Variants in KIAA1217 observed in about 807,000 individuals in gnomAD.
KIAA1217 encodes sickle tail protein homolog.
In KIAA1217, 88 loss-of-function variants were observed where a neutral mutation model predicts 163.9. The ratio of observed to expected loss-of-function variants is 0.54; its 90% confidence interval spans 0.45 to 0.64. The LOEUF (loss-of-function observed/expected upper bound fraction) is 0.64. Ranked by LOEUF, KIAA1217 falls within the 30% of genes least tolerant of loss-of-function variation. The pLI is 0.00. For missense variants in KIAA1217, 2,372 were observed against 2,475.0 expected, an observed-to-expected ratio of 0.96 and a Z score of 0.88; for synonymous variants, 903 against 923.1, an observed-to-expected ratio of 0.98 and a Z score of 0.39.
intron 2 of KIAA1217, among the ~76,000 whole-genome samples, chr10:24,074,464 C>A (rs1222285287): frequency 6.6e-6 from 1 of 152,184 alleles, no homozygotes; most frequent in Non-Finnish European, 1.5e-5. Context: ...CTATTACCCC[C>A]TTCCTCTCTG....
chr10:24,521,939 C>A lies in KIAA1217; in HGVS notation c.2456+10C>A, dbSNP rs199796658. On this transcript the variant is annotated intron_variant, in intron 12 of 20. Transcript: ENST00000376454. The stretch of plus-strand genomic sequence containing the variant: ...TGACCATGCTGCGGAGGTGACCGGG[C>A]CCTCATCGTGCTGGGGGTGGCCTGC... The A allele has an allele frequency of 2.3e-5, 37 of 1,599,846 alleles. No homozygotes were observed. The highest frequency in any genetic ancestry group is 1.3e-4 in the African/African-American group (10 of 74,820).
At chr10:24,029,413 G>T (rs1458103736) in intron 2 of KIAA1217, among the ~76,000 whole-genome samples, 7 of 152,044 alleles carry the variant, frequency 4.6e-5, no homozygotes, top group African/African-American at 1.7e-4. Context: ...TCTACTCTAA[G>T]GAGTATTCAG....
At chr10:24,458,299 C>G (rs967100729) in intron 5 of KIAA1217, among the ~76,000 whole-genome samples, 2 of 152,300 alleles carry the variant, frequency 1.3e-5, no homozygotes, top group East Asian at 3.9e-4. Flanking sequence ...GAAGGTATTC[C>G]TTTGAAATGG....
chr10:24,195,988 A>T (rs1028473231), intron 2 of KIAA1217, among the ~76,000 whole-genome samples: 1 of 151,922 alleles, frequency 6.6e-6, no homozygotes, highest in Non-Finnish European at 1.5e-5. Context: ...TTACATAATT[A>T]TCCAGGTGTG....
intron 6 of KIAA1217, among the ~76,000 whole-genome samples, chr10:24,483,942 T>A (rs1470730312): frequency 6.6e-6 from 1 of 151,870 alleles, no homozygotes; most frequent in East Asian, 1.9e-4. Context: ...TCACCCTAGA[T>A]GTGAGTCACT....
At chr10:24,422,901 C>CTTTTTTTTTTTTTTTTTT (rs58161228) in intron 3 of KIAA1217, among the ~76,000 whole-genome samples, 1,693 of 120,464 alleles carry the variant, frequency 0.014, 67 homozygotes, top group Non-Finnish European at 0.021. Context: ...ATAGATTTAA[C>CTTTTTTTTTTTTTTTTTT]TTTTTTTTTT....
intron 1 of KIAA1217, among the ~76,000 whole-genome samples, chr10:23,903,449 A>G (rs10828571): frequency 0.22 from 33,957 of 152,078 alleles, 4,015 homozygotes; most frequent in Middle Eastern, 0.31. Context: ...TCAGAAATGA[A>G]GACCCAAAGA....
chr10:23,955,926 A>G (rs995902103), intron 1 of KIAA1217, among the ~76,000 whole-genome samples: 1 of 152,300 alleles, frequency 6.6e-6, no homozygotes, highest in East Asian at 1.9e-4. Context: ...GAGGCCTGCA[A>G]TCTTTAGATT....
chr10:24,545,611 C>T, intron 20 of KIAA1217: 11 of 1,384,240 alleles, frequency 7.9e-6, no homozygotes, highest in Non-Finnish European at 1.0e-5. Flanking sequence ...CAAATGTATT[C>T]TTCCTTTCCT....
At chr10:23,905,446 T>C (rs16924035) in intron 1 of KIAA1217, among the ~76,000 whole-genome samples, 17,436 of 151,976 alleles carry the variant, frequency 0.11, 3,303 homozygotes, top group African/African-American at 0.39. Context: ...GTATGGTTTA[T>C]GCTTTACAGA....
At chr10:23,857,195 GGATGT>G (rs1839730757) in intron 1 of KIAA1217, among the ~76,000 whole-genome samples, 1 of 152,166 alleles carries the variant, frequency 6.6e-6, no homozygotes, top group African/African-American at 2.4e-5. Flanking sequence ...ATTTGGGTAG[GGATGT>G]GAATCCAAAC....
At chr10:24,064,319 A>G (rs1238411796) in intron 2 of KIAA1217, among the ~76,000 whole-genome samples, 3 of 152,152 alleles carry the variant, frequency 2.0e-5, no homozygotes, top group Non-Finnish European at 2.9e-5. Flanking sequence ...ACATCCCATC[A>G]ATACCTAATT....
rs1181870751 is a variant in KIAA1217 at position 23,790,582 on chromosome 10, T to TATGTACATATATAC, written c.-321+95365_-321+95378dup. On this transcript the variant is annotated intron_variant, in intron 1 of 18. Coordinates refer to the KIAA1217 transcript ENST00000376462. ...GTACATATGTATATATACATATGTA[T>TATGTACATATATAC]ATGTACATATATACATGTACATATA... 6.9e-4 allele frequency among the ~76,000 whole-genome samples: 86 copies of TATGTACATATATAC among 124,852 alleles called. 18 individuals carry two copies. Among genetic ancestry groups the TATGTACATATATAC allele is most frequent in the East Asian group, 3.0e-3 (14 of 4,706 alleles). The allele number at this position is 124,852 out of a possible 152,430, so 81.9% of individuals were successfully genotyped here.
At chr10:24,484,212 T>G (rs191437353) in intron 6 of KIAA1217, among the ~76,000 whole-genome samples, 20,432 of 130,662 alleles carry the variant, frequency 0.16, 1,830 homozygotes, top group South Asian at 0.3. Flanking sequence ...TATATATAGA[T>G]AGATAGATAT....
chr10:24,430,637 G>A (rs1564664486), intron 3 of KIAA1217, among the ~76,000 whole-genome samples: 1 of 152,178 alleles, frequency 6.6e-6, no homozygotes, highest in African/African-American at 2.4e-5. Flanking sequence ...ATCTGGAGGT[G>A]ATGAGTGACA....
At chr10:24,095,982 C>A (rs2062144480) in intron 2 of KIAA1217, among the ~76,000 whole-genome samples, 1 of 152,256 alleles carries the variant, frequency 6.6e-6, no homozygotes, top group South Asian at 2.1e-4. Context: ...GTGGTATGCA[C>A]CTGTAGTCCC....
chr10:23,851,057 C>A (rs902814114), intron 1 of KIAA1217, among the ~76,000 whole-genome samples: 2 of 151,992 alleles, frequency 1.3e-5, no homozygotes, highest in Non-Finnish European at 2.9e-5. Context: ...TACATGGGCA[C>A]AATGTGCAGG....
intron 2 of KIAA1217, among the ~76,000 whole-genome samples, chr10:24,253,085 G>T (rs186704029): frequency 2.0e-5 from 3 of 152,222 alleles, no homozygotes; most frequent in African/African-American, 7.2e-5. Flanking sequence ...TTTTTGGGAA[G>T]AGGTGCACAC....
intron 2 of KIAA1217, among the ~76,000 whole-genome samples, chr10:24,057,598 AG>A (rs1201618010): frequency 2.6e-5 from 4 of 152,238 alleles, no homozygotes; most frequent in African/African-American, 9.6e-5. Context: ...GGCACATTAC[AG>A]GTGATATCTC....
Sources: allele counts gnomAD v4.1 joint callset (sites outside exome capture counted in the v4.1 genomes callset), GRCh38; gene constraint gnomAD v4.1.1; transcripts MANE v1.5; gene names NCBI Gene and HGNC (gene_info 2026-07-23, HGNC 2026-07-21).